The following ARHGAP32 variants were observed in gnomAD, a reference collection of about 807,000 sequenced individuals.
ARHGAP32 encodes Rho GTPase activating protein 32.
ARHGAP32 carries 51 observed loss-of-function variants against 186.5 expected under a neutral mutation model. That is an observed-to-expected ratio of 0.27 (90% CI 0.22 to 0.35). ARHGAP32 has a LOEUF of 0.35. Among genes scored for constraint, ARHGAP32 ranks in the 10% least tolerant of loss-of-function variants. The pLI, the probability that ARHGAP32 is intolerant of heterozygous loss-of-function variation, is 1.00. For synonymous variants in ARHGAP32, 950 were observed against 964.3 expected (o/e 0.99, Z 0.27); for missense variants, 2,186 against 2,623.5 (o/e 0.83, Z 3.64).
chr11:129,165,646 A>G (rs1943623497), intron 1 of ARHGAP32, among the ~76,000 whole-genome samples: 2 of 151,252 alleles, frequency 1.3e-5, no homozygotes, highest in South Asian at 4.3e-4. Context: ...AAAGACTCAC[A>G]TTTCATTCAG....
At chr11:129,248,996 A>G (rs1345680199) in intron 1 of ARHGAP32, among the ~76,000 whole-genome samples, 2 of 152,252 alleles carry the variant, frequency 1.3e-5, no homozygotes, top group Non-Finnish European at 2.9e-5. Flanking sequence ...AAAGAAAAAG[A>G]TAACACAATG....
intron 1 of ARHGAP32, among the ~76,000 whole-genome samples, chr11:129,169,295 T>C (rs1230435004): frequency 6.6e-6 from 1 of 151,728 alleles, no homozygotes; most frequent in Non-Finnish European, 1.5e-5. Context: ...ATATAGATAA[T>C]AAAAAGGGAG....
chr11:129,192,504 CT>C (rs1944290001), upstream of ARHGAP32, among the ~76,000 whole-genome samples: 1 of 152,162 alleles, frequency 6.6e-6, no homozygotes, highest in Non-Finnish European at 1.5e-5. Flanking sequence ...AATAATGACT[CT>C]TCTCAAAGTT....
Position 129,203,812 on chromosome 11 carries a change from G to C in ARHGAP32, c.-4-39385C>G, listed in dbSNP as rs116780764. On this transcript the variant is annotated intron_variant, in intron 1 of 6. Transcript: ENST00000525234. ...AGCTACTCGGGAGGCTGAGGTGAGA[G>C]GCTTGAGCCCAGGAGTTCTAGGCTG... 6.8e-3 allele frequency among the ~76,000 whole-genome samples: 1,017 copies of C among 150,038 alleles called. 15 individuals are homozygous for C. The highest frequency in any genetic ancestry group is 0.024 in the African/African-American group (979 of 41,192).
chr11:129,055,961 A>G (rs1591572823), intron 10 of ARHGAP32, among the ~76,000 whole-genome samples: 1 of 152,244 alleles, frequency 6.6e-6, no homozygotes, highest in African/African-American at 2.4e-5. Flanking sequence ...AATTATAACA[A>G]AAAGTAAGCC....
chr11:129,118,040 A>C (rs1185414504), intron 5 of ARHGAP32, among the ~76,000 whole-genome samples: 1 of 152,024 alleles, frequency 6.6e-6, no homozygotes, highest in African/African-American at 2.4e-5. Flanking sequence ...GTGAAATTTA[A>C]ATTTCTCTAA....
intron 11 of ARHGAP32, among the ~76,000 whole-genome samples, chr11:129,026,281 A>G (rs1938843774): frequency 6.6e-6 from 1 of 152,196 alleles, no homozygotes; most frequent in South Asian, 2.1e-4. Context: ...GAGATCAATT[A>G]TTTCAAAATA....
At chr11:129,031,973 G>T (rs1458282843) in intron 11 of ARHGAP32, among the ~76,000 whole-genome samples, 1 of 152,112 alleles carries the variant, frequency 6.6e-6, no homozygotes, top group Non-Finnish European at 1.5e-5. Flanking sequence ...TCAAACTCCA[G>T]GGGAGGACCA....
At chr11:129,240,123 C>T (rs10894008) in intron 1 of ARHGAP32, among the ~76,000 whole-genome samples, 31,096 of 151,772 alleles carry the variant, frequency 0.2, 3,344 homozygotes, top group East Asian at 0.28. Context: ...CTCACTGCAA[C>T]CTCCGCCTCC....
chr11:129,135,273 A>G (rs1441458960), intron 2 of ARHGAP32, among the ~76,000 whole-genome samples: 1 of 152,236 alleles, frequency 6.6e-6, no homozygotes, highest in Non-Finnish European at 1.5e-5. Flanking sequence ...ATCAAGTTTT[A>G]CTGTAAAAGT....
rs35010486 is a variant in ARHGAP32 at position 129,034,851 on chromosome 11, T to TAA, written c.1045+6075_1045+6076dup. ...GAAAAAGAAGAAAAAGAAAACAGAG[T>TAA]AAAAAAAAAAAAAGAAAAAACAGAG... is the stretch of plus-strand genomic sequence containing the variant. On this transcript the variant is annotated intron_variant, in intron 11 of 22. Coordinates refer to ENST00000682385, the MANE Select transcript of ARHGAP32 (RefSeq NM_001378024.1). Among the ~76,000 whole-genome samples, 248 of 137,230 alleles carry TAA rather than the reference T, an allele frequency of 1.8e-3. 1 individual carries two copies. The highest frequency in any genetic ancestry group is 3.3e-3 in the Non-Finnish European group (209 of 63,220). 90.0% of individuals were successfully genotyped at this position (137,230 alleles called of 152,430 possible). A position where few individuals can be genotyped will look rare whatever the true frequency, so the allele number is the denominator to read the frequency against.
chr11:129,026,718 T>C (rs112259189), intron 11 of ARHGAP32, among the ~76,000 whole-genome samples: 3,025 of 150,488 alleles, frequency 0.02, 49 homozygotes, highest in African/African-American at 0.044. Flanking sequence ...GGAGAATTGC[T>C]TGAACCCGGG....
intron 2 of ARHGAP32, among the ~76,000 whole-genome samples, chr11:129,150,199 G>A (rs1330225780): frequency 5.3e-5 from 8 of 150,944 alleles, no homozygotes; most frequent in Admixed American, 4.6e-4. Context: ...AAGAAAAATA[G>A]GTGTTCCTGA....
chr11:128,969,170 G>A lies in ARHGAP32; in HGVS notation c.6043C>T (p.Pro2015Ser). Residue 2015 changes from proline (P) to serine (S), a missense_variant, in exon 23 of 23, where the codon CCC (proline) becomes TCC (serine). Physicochemically the swap from Pro to Ser is moderately conservative, Grantham distance 74. Coordinates refer to ENST00000682385, the MANE Select transcript of ARHGAP32 (RefSeq NM_001378024.1). The surrounding 1 kb of genome is among the most constrained non-coding windows in gnomAD (Gnocchi z 4.8). ...LHHTQNVERD[P>S]SVLYQYQPHG... ...GGTTGGTACTGGTACAGCACACTGG[G>A]GTCCCTCTCCACGTTCTGGGTATGA... 1 of 1,613,336 alleles carries A rather than the reference G, an allele frequency of 6.2e-7. No homozygotes were observed.
chr11:129,150,979 A>C, intron 2 of ARHGAP32, among the ~76,000 whole-genome samples: 1 of 152,098 alleles, frequency 6.6e-6, no homozygotes, highest in East Asian at 1.9e-4. Context: ...GCTGTCTTCA[A>C]GAGACTCCCC....
intron 10 of ARHGAP32, among the ~76,000 whole-genome samples, chr11:129,048,259 G>A (rs1204238018): frequency 6.6e-6 from 1 of 152,192 alleles, no homozygotes; most frequent in African/African-American, 2.4e-5. Flanking sequence ...AAATCTGAGA[G>A]TTGGGCATAA....
intron 11 of ARHGAP32, among the ~76,000 whole-genome samples, chr11:129,038,888 G>GAAAAAAAAAAAAA (rs56810685): frequency 1.1e-3 from 104 of 92,102 alleles, no homozygotes; most frequent in South Asian, 1.6e-3. Context: ...ACCCTGTCTC[G>GAAAAAAAAAAAAA]AAAAAAAAAA....
chr11:129,249,686 T>A (rs1356899965), intron 1 of ARHGAP32, among the ~76,000 whole-genome samples: 2 of 152,082 alleles, frequency 1.3e-5, no homozygotes. Context: ...CTAGATCAAG[T>A]TTATTCACTC....
At chr11:129,231,661 T>C (rs961157732) in intron 1 of ARHGAP32, among the ~76,000 whole-genome samples, 1 of 152,132 alleles carries the variant, frequency 6.6e-6, no homozygotes, top group East Asian at 1.9e-4. Context: ...GGATACTGTA[T>C]AAAGGTTTGT....
Sources: allele counts gnomAD v4.1 joint callset (sites outside exome capture counted in the v4.1 genomes callset), GRCh38; gene constraint gnomAD v4.1.1; non-coding constraint Gnocchi (gnomAD v3.1); transcripts MANE v1.5; gene names NCBI Gene and HGNC (gene_info 2026-07-23, HGNC 2026-07-21).